Variants in RPS6KA2 observed in about 807,000 individuals in gnomAD.
RPS6KA2 encodes the protein ribosomal protein S6 kinase A2, also known as ribosomal protein S6 kinase alpha-2.
In RPS6KA2, 42 loss-of-function variants were observed where a neutral mutation model predicts 91.8. The ratio of observed to expected loss-of-function variants is 0.46; its 90% CI spans 0.36 to 0.59. The LOEUF is 0.59. RPS6KA2 is among the 20% of genes least tolerant of loss of function. RPS6KA2 has a pLI of 0.00. For synonymous variants in RPS6KA2, 414 were observed against 393.6 expected (o/e 1.05, Z -0.61); for missense variants, 798 against 978.5 (o/e 0.82, Z 2.46).
At chr6:166,526,619 G>T (rs930689344) in intron 3 of RPS6KA2, among the ~76,000 whole-genome samples, 8 of 151,946 alleles carry the variant, frequency 5.3e-5, no homozygotes, top group African/African-American at 1.9e-4. Flanking sequence ...TAAAGTGCTG[G>T]GATTACAGGT....
intron 2 of RPS6KA2, among the ~76,000 whole-genome samples, chr6:166,752,959 C>T (rs955342474): frequency 8.5e-5 from 13 of 152,320 alleles, no homozygotes; most frequent in East Asian, 1.9e-4. Context: ...TGCTGTGAAA[C>T]GCAGGGCCCA....
chr6:166,498,468 A>T, intron 8 of RPS6KA2, 40 bp downstream of exon 8: 3 of 1,571,186 alleles, frequency 1.9e-6, no homozygotes, highest in Non-Finnish European at 2.6e-6. Context: ...CACGTGGGGA[A>T]CAGCCGCCAT....
chr6:166,762,147 A>C (rs974502984), intron 2 of RPS6KA2, among the ~76,000 whole-genome samples: 3 of 152,194 alleles, frequency 2.0e-5, no homozygotes, highest in African/African-American at 7.2e-5. Context: ...TACTGGTTTC[A>C]CCAAAAGGAA....
chr6:166,447,530 G>A (rs571250630), intron 14 of RPS6KA2, among the ~76,000 whole-genome samples: 1 of 152,228 alleles, frequency 6.6e-6, no homozygotes, highest in Admixed American at 6.5e-5. Flanking sequence ...CGTTTTCCCA[G>A]TGCAAGAAAC....
In RPS6KA2 at chr6:166,448,615, C is replaced by T; in HGVS notation, c.1332+109G>A. On this transcript the variant is annotated intron_variant, in intron 14 of 20. Transcript: ENST00000265678. This position sits in a 1 kb window ranked among gnomAD's most constrained non-coding sequence, Gnocchi z 4.7. ...GCTGTACATGCTCCCACACGCTGCA[C>T]TCACACAGGGCCCTGCTATGCTCCT... is the stretch of plus-strand genomic sequence containing the variant. The T allele has an allele frequency of 7.3e-7, 1 of 1,372,382 alleles. No individual in the cohort carries two copies. 85.0% of individuals were successfully genotyped at this position (1,372,382 alleles called of 1,614,324 possible). A position where few individuals can be genotyped will look rare whatever the true frequency, so the allele number is the denominator to read the frequency against.
At chr6:166,723,243 C>T (rs1790230476) in intron 2 of RPS6KA2, among the ~76,000 whole-genome samples, 5 of 152,204 alleles carry the variant, frequency 3.3e-5, no homozygotes. Context: ...TGCTCAAGTC[C>T]CCCCTTCTGG....
At chr6:166,783,846 ATAC>A (rs1778849201) in intron 2 of RPS6KA2, among the ~76,000 whole-genome samples, 2 of 58,332 alleles carry the variant, frequency 3.4e-5, no homozygotes, top group Non-Finnish European at 7.9e-5. Context: ...ACACCTATCT[ATAC>A]CACATATGCA....
At chr6:166,794,324 A>G (rs1779168460) in intron 2 of RPS6KA2, among the ~76,000 whole-genome samples, 1 of 152,106 alleles carries the variant, frequency 6.6e-6, no homozygotes, top group Non-Finnish European at 1.5e-5. Context: ...CATACCAGTT[A>G]GAATGGCGAT....
chr6:166,425,044 T>C (rs975783295), intron 16 of RPS6KA2, among the ~76,000 whole-genome samples: 36 of 151,904 alleles, frequency 2.4e-4, no homozygotes, highest in Admixed American at 2.0e-3. Flanking sequence ...AAGGTGTCCC[T>C]CCTGTCCTCT....
chr6:166,577,032 C>T (rs1784855455), intron 1 of RPS6KA2, among the ~76,000 whole-genome samples: 1 of 152,220 alleles, frequency 6.6e-6, no homozygotes, highest in Non-Finnish European at 1.5e-5. Flanking sequence ...CGGGCTGTTG[C>T]TTCAGAGGGT....
At chr6:166,615,531 A>C (rs1402850631) in intron 1 of RPS6KA2, among the ~76,000 whole-genome samples, 4 of 152,116 alleles carry the variant, frequency 2.6e-5, no homozygotes, top group Non-Finnish European at 5.9e-5. Flanking sequence ...CATCGGAAGG[A>C]CCTGCTGACC....
Position 166,626,892 on chromosome 6 carries a change from C to T in RPS6KA2, c.99+29G>A. ...ACCACGGCCCGCTCAGTGCCCGGCA[C>T]CTGCGCGCCCCGAGGGCGGCCGCAT... On this transcript the variant is annotated intron_variant, in intron 1 of 20. Coordinates refer to ENST00000265678, the MANE Select transcript of RPS6KA2 (RefSeq NM_021135.6). This position sits in a 1 kb window ranked among gnomAD's most constrained non-coding sequence, Gnocchi z 4.1. 3 of 1,460,670 alleles carry T rather than the reference C, an allele frequency of 2.1e-6. No homozygotes were observed. The highest frequency in any genetic ancestry group is 5.7e-5 in the East Asian group (2 of 34,986). The allele number at this position is 1,460,670 out of a possible 1,614,324, so 90.5% of individuals were successfully genotyped here.
chr6:166,858,035 C>T, intron 2 of RPS6KA2: 1 of 634,164 alleles, frequency 1.6e-6, no homozygotes, highest in Non-Finnish European at 2.9e-6. Context: ...ATGATATGTA[C>T]ATATGCATAT....
chr6:166,508,157 A>T lies in RPS6KA2; in HGVS notation c.459+46T>A. ...CACCCCTCCTCCCCTCGAGTCCCAG[A>T]CAGAAGCTCCTGCCCGCCCTCCTGT... is the stretch of plus-strand genomic sequence containing the variant. On this transcript the variant is annotated intron_variant, in intron 5 of 20. Transcript: ENST00000265678. This position sits in a 1 kb window ranked among gnomAD's most constrained non-coding sequence, Gnocchi z 4.3. 1.5e-6 allele frequency: 2 copies of T among 1,316,738 alleles called. No individual in the cohort carries two copies. The highest frequency in any genetic ancestry group is 2.2e-6 in the Non-Finnish European group (2 of 914,648). 81.6% of individuals were successfully genotyped at this position (1,316,738 alleles called of 1,614,324 possible). A position where few individuals can be genotyped will look rare whatever the true frequency, so the allele number is the denominator to read the frequency against.
intron 2 of RPS6KA2, among the ~76,000 whole-genome samples, chr6:166,687,749 G>A (rs1334621119): frequency 1.3e-5 from 2 of 152,250 alleles, no homozygotes; most frequent in Non-Finnish European, 2.9e-5. Flanking sequence ...TAAATGAAGC[G>A]CAGCATTGCG....
intron 2 of RPS6KA2, among the ~76,000 whole-genome samples, chr6:166,749,713 C>G (rs552846627): frequency 8.4e-4 from 71 of 84,230 alleles, no homozygotes; most frequent in African/African-American, 4.2e-3. Context: ...GCCCCCACCT[C>G]CTCAGGCCCC....
At chr6:166,802,807 A>T (rs1779402381) in intron 2 of RPS6KA2, among the ~76,000 whole-genome samples, 1 of 152,176 alleles carries the variant, frequency 6.6e-6, no homozygotes, top group African/African-American at 2.4e-5. Flanking sequence ...AGAAAATTAG[A>T]CAAGCCATCT....
intron 2 of RPS6KA2, among the ~76,000 whole-genome samples, chr6:166,690,249 AG>A (rs1562385163): frequency 6.6e-6 from 1 of 152,060 alleles, no homozygotes; most frequent in Non-Finnish European, 1.5e-5. Context: ...CTGCTCTGGG[AG>A]GGGAGTGTCA....
intron 2 of RPS6KA2, among the ~76,000 whole-genome samples, chr6:166,679,333 G>A (rs1385072503): frequency 6.6e-6 from 1 of 151,726 alleles, no homozygotes; most frequent in African/African-American, 2.4e-5. Context: ...GCATGGTGGC[G>A]GGTGCCTGTA....
Sources: allele counts gnomAD v4.1 joint callset (sites outside exome capture counted in the v4.1 genomes callset), GRCh38; gene constraint gnomAD v4.1.1; non-coding constraint Gnocchi (gnomAD v3.1); transcripts MANE v1.5; gene names NCBI Gene and HGNC (gene_info 2026-07-23, HGNC 2026-07-21).